The following MYBL2 variants were observed in gnomAD, a reference collection of about 807,000 sequenced individuals.
The protein encoded by MYBL2 is MYB proto-oncogene like 2, also known as myb-related protein B.
A neutral mutation model predicts 79.9 loss-of-function variants in MYBL2; 28 were observed. The ratio of observed to expected loss-of-function variants is 0.35; its 90% CI spans 0.26 to 0.48. MYBL2 has a LOEUF of 0.48. MYBL2 is among the 20% of genes least tolerant of loss of function. The pLI, the probability that MYBL2 is intolerant of heterozygous loss-of-function variation, is 0.99. For synonymous variants in MYBL2, 378 were observed against 361.2 expected, an observed-to-expected ratio of 1.05 and a Z score of -0.53; for missense variants, 735 against 893.9, an observed-to-expected ratio of 0.82 and a Z score of 2.27.
chr20:43,698,177 T>C (rs1987594228), intron 6 of MYBL2, among the ~76,000 whole-genome samples: 1 of 151,332 alleles, frequency 6.6e-6, no homozygotes, highest in Non-Finnish European at 1.5e-5. Flanking sequence ...GCTTTTTTTC[T>C]TTATTTTATA....
chr20:43,711,469 G>T lies in MYBL2; in HGVS notation c.1606-19G>T, dbSNP rs200218742. Reference sequence around the variant, plus strand: ...CCGAGTGTGGTGCCTCACGTGGGCTGCCCCGTGCCTACCCACAGCCACAGA... The same window carrying T: ...CCGAGTGTGGTGCCTCACGTGGGCTTCCCCGTGCCTACCCACAGCCACAGA... On this transcript the variant is annotated intron_variant, in intron 10 of 13. Transcript: ENST00000217026. The T allele has an allele frequency of 6.3e-7, 1 of 1,598,938 alleles. No individual in the cohort carries two copies. Among genetic ancestry groups the T allele is most frequent in the Non-Finnish European group, 8.5e-7 (1 of 1,169,916 alleles).
At chr20:43,683,899 A>T (rs1375229677) in intron 4 of MYBL2, among the ~76,000 whole-genome samples, 1 of 151,354 alleles carries the variant, frequency 6.6e-6, no homozygotes, top group Non-Finnish European at 1.5e-5. Flanking sequence ...GACGAGTCTT[A>T]CTCTGTTGCA....
rs781284497 is a variant in MYBL2, at chr20:43,711,461, C to T, written c.1606-27C>T. On this transcript the variant is annotated intron_variant, in intron 10 of 13. Coordinates refer to ENST00000217026, the MANE Select transcript of MYBL2 (RefSeq NM_002466.4). ...CACACAGCCCGAGTGTGGTGCCTCACGTGGGCTGCCCCGTGCCTACCCACA... is the reference window on the plus strand; with the variant it reads ...CACACAGCCCGAGTGTGGTGCCTCATGTGGGCTGCCCCGTGCCTACCCACA... 68 of 1,578,158 alleles carry T rather than the reference C, an allele frequency of 4.3e-5. No individual in the cohort carries two copies. In the Admixed American group the frequency reaches 6.2e-4, roughly 14 times the overall value.
Position 43,715,876 on chromosome 20 carries a change from T to C in MYBL2, c.1975-83T>C, listed in dbSNP as rs1014455620. The C allele has an allele frequency of 6.0e-6, 9 of 1,496,158 alleles. No homozygotes were observed. The Admixed American group carries it at 1.3e-4, about 22-fold the overall frequency. The allele number at this position is 1,496,158 out of a possible 1,614,324, so 92.7% of individuals were successfully genotyped here. On this transcript the variant is annotated intron_variant, in intron 13 of 13. Coordinates refer to ENST00000217026, the MANE Select transcript of MYBL2 (RefSeq NM_002466.4). ...TCTAGGGGAGGGAGGCTTATAACTC[T>C]ACCCTTCCCTGGCCAGGATCACCAG...
chr20:43,699,770 C>A lies in MYBL2; in HGVS notation c.677C>A (p.Thr226Asn). The change falls in exon 7 of 14, where the codon ACC becomes AAC. Residue 226 changes from threonine (T) to asparagine (N), a missense_variant. Physicochemically the swap from Thr to Asn is moderately conservative, Grantham distance 65. This residue lies in a region of MYBL2 where 144 missense variants were observed against 131.9 expected (regional missense o/e 1.09). Coordinates refer to ENST00000217026, the MANE Select transcript of MYBL2 (RefSeq NM_002466.4). ...QPTEGQGSLL[T>N]NWPSVPPTIK... ...TGTGTCTTACAGGGAAGTCTTCTGA[C>A]CAACTGGCCCTCCGTCCCTCCTACC... 1 of 1,614,064 alleles carries A rather than the reference C, an allele frequency of 6.2e-7. No homozygotes were observed. Among genetic ancestry groups the A allele is most frequent in the South Asian group, 1.1e-5 (1 of 91,072 alleles).
At chr20:43,694,149 G>A (rs1987477131) in intron 6 of MYBL2, among the ~76,000 whole-genome samples, 2 of 151,840 alleles carry the variant, frequency 1.3e-5, no homozygotes, top group Admixed American at 6.6e-5. Flanking sequence ...TGGCTAACAC[G>A]GTGAAACCCC....
Position 43,686,901 on chromosome 20 carries a change from C to G in MYBL2, c.329C>G (p.Ala110Gly). ...GGCACAAAGCAGTGGACACTGATTGCCAAGCACCTGAAGGGCCGGCTGGGG... is the reference window on the plus strand; with the variant it reads ...GGCACAAAGCAGTGGACACTGATTGGCAAGCACCTGAAGGGCCGGCTGGGG... ...KYGTKQWTLI[A>G]KHLKGRLGKQ... The change falls in exon 5 of 14, where the codon GCC becomes GGC. Residue 110 changes from alanine (A) to glycine (G), a missense_variant. Physicochemically the swap from Ala to Gly is moderately conservative, Grantham distance 60. This residue lies in a region of MYBL2 where 65 missense variants were observed against 145.2 expected (regional missense o/e 0.45). Coordinates refer to ENST00000217026, the MANE Select transcript of MYBL2 (RefSeq NM_002466.4). 2 of 1,614,168 alleles carry G rather than the reference C, an allele frequency of 1.2e-6. No homozygotes were observed. The highest frequency in any genetic ancestry group is 1.7e-6 in the Non-Finnish European group (2 of 1,180,024).
intron 11 of MYBL2, among the ~76,000 whole-genome samples, chr20:43,712,020 A>T (rs1293351205): frequency 6.6e-6 from 1 of 151,384 alleles, no homozygotes; most frequent in African/African-American, 2.4e-5. Flanking sequence ...TTTTGGGTGG[A>T]GGCGAGGCGG....
chr20:43,682,920 G>A, intron 4 of MYBL2, 34 bp downstream of exon 4: 2 of 1,586,074 alleles, frequency 1.3e-6, no homozygotes, highest in Non-Finnish European at 1.7e-6. Flanking sequence ...CACACAGTGG[G>A]TCTTCACCCA....
intron 5 of MYBL2, among the ~76,000 whole-genome samples, chr20:43,690,704 G>T (rs1987386962): frequency 6.6e-6 from 1 of 152,052 alleles, no homozygotes; most frequent in Admixed American, 6.6e-5. Flanking sequence ...AGAGTATTCT[G>T]CTTGGCACTC....
chr20:43,677,358 A>G (rs926007906), intron 2 of MYBL2, among the ~76,000 whole-genome samples: 2 of 152,198 alleles, frequency 1.3e-5, no homozygotes, highest in Admixed American at 6.5e-5. Context: ...TTGTAAGATG[A>G]GTGGATGGCA....
intron 7 of MYBL2, among the ~76,000 whole-genome samples, chr20:43,700,680 C>T (rs1348283010): frequency 6.6e-6 from 1 of 152,150 alleles, no homozygotes; most frequent in African/African-American, 2.4e-5. Context: ...CCGTGTTCGC[C>T]TTTCCACCCA....
intron 13 of MYBL2, 109 bp downstream of exon 13, chr20:43,715,392 G>T: frequency 6.5e-7 from 1 of 1,540,938 alleles, no homozygotes; most frequent in Non-Finnish European, 8.8e-7. Context: ...CTTAGCTCAG[G>T]GCCTTTGCAT....
rs145759097 is a variant in MYBL2, at chr20:43,679,707, C to G, written c.115-2077C>G. ...GAGGCAGGAGATTGCTTGAGGCAGT[C>G]TAGACCAGCCTGAAGAACATGTGAG... On this transcript the variant is annotated intron_variant, in intron 2 of 13. Coordinates refer to ENST00000217026, the MANE Select transcript of MYBL2 (RefSeq NM_002466.4). 4.5e-3 allele frequency among the ~76,000 whole-genome samples: 684 copies of G among 152,148 alleles called. 5 individuals are homozygous for G. The highest frequency in any genetic ancestry group is 0.016 in the African/African-American group (656 of 41,524).
chr20:43,670,810 A>G (rs1568843454), intron 1 of MYBL2, among the ~76,000 whole-genome samples: 1 of 152,176 alleles, frequency 6.6e-6, no homozygotes, highest in Non-Finnish European at 1.5e-5. Context: ...CTTGTTTGGA[A>G]ACCTGTAAGC....
Position 43,674,685 on chromosome 20 carries a change from C to T in MYBL2, c.114+786C>T, listed in dbSNP as rs546221419. On this transcript the variant is annotated intron_variant, in intron 2 of 13. Coordinates refer to ENST00000217026, the MANE Select transcript of MYBL2 (RefSeq NM_002466.4). ...CTGGGATTACAGGCGTGAGCCACTGCACCCGGCCTTAATTTTTGTATTTTT... is the reference window on the plus strand; with the variant it reads ...CTGGGATTACAGGCGTGAGCCACTGTACCCGGCCTTAATTTTTGTATTTTT... 4.1e-4 allele frequency among the ~76,000 whole-genome samples: 62 copies of T among 152,124 alleles called. 2 individuals carry two copies. The South Asian group carries it at 0.013, about 31-fold the overall frequency.
intron 1 of MYBL2, 76 bp downstream of exon 1, chr20:43,667,379 C>A: frequency 9.4e-7 from 1 of 1,058,702 alleles, no homozygotes; most frequent in South Asian, 4.8e-5. Flanking sequence ...TACCCCCGAC[C>A]CTCCCCAGGC....
At position 43,702,736 on chromosome 20, in the gene MYBL2, G is replaced by A; in HGVS notation, c.1198G>A (p.Gly400Ser). 1.2e-6 allele frequency: 2 copies of A among 1,614,094 alleles called. No individual in the cohort carries two copies. The highest frequency in any genetic ancestry group is 1.7e-6 in the Non-Finnish European group (2 of 1,180,008). ...CATCTCCCCCAGCACTGAAGTCGGG[G>A]GCTCTGGCATTGGCACACCGCCCTC... ...IPISPSTEVG[G>S]SGIGTPPSVL... Residue 400 changes from glycine (G) to serine (S), a missense_variant, in exon 8 of 14, where the codon GGC (glycine) becomes AGC (serine). By Grantham distance (56) the Gly-to-Ser change is moderately conservative. Coordinates refer to ENST00000217026, the MANE Select transcript of MYBL2 (RefSeq NM_002466.4).
chr20:43,697,449 A>C (rs1987570139), intron 6 of MYBL2, among the ~76,000 whole-genome samples: 1 of 151,964 alleles, frequency 6.6e-6, no homozygotes, highest in South Asian at 2.1e-4. Flanking sequence ...ATCTCTACTA[A>C]AAATATAAAA....
Sources: gnomAD v4.1 joint callset for allele counts (sites outside exome capture counted in the v4.1 genomes callset) on GRCh38, gnomAD v4.1.1 for gene constraint, gnomAD v4.1.1 regional missense constraint, MANE v1.5 for transcripts, NCBI Gene and HGNC (gene_info 2026-07-23, HGNC 2026-07-21) for gene names.